The following ABCA12 variants were observed in gnomAD, a reference collection of about 807,000 sequenced individuals.
ABCA12 encodes glucosylceramide transporter ABCA12.
Under a neutral mutation model 293.5 loss-of-function variants are expected in ABCA12, and 156 were observed. The ratio of observed to expected loss-of-function variants is 0.53; its 90% CI spans 0.47 to 0.61. ABCA12 has a LOEUF of 0.61. Ranked by LOEUF, ABCA12 falls within the 20% of genes least tolerant of loss-of-function variation. The probability of loss-of-function intolerance (pLI) is 0.00; values close to 1 mark genes in which losing one functional copy is unlikely to be tolerated. For synonymous variants in ABCA12, 1,063 were observed against 1,108.0 expected, an observed-to-expected ratio of 0.96 and a Z score of 0.81; for missense variants, 2,797 against 3,090.2, an observed-to-expected ratio of 0.91 and a Z score of 2.25.
chr2:215,107,544 A>G (rs1702488693), intron 2 of ABCA12, among the ~76,000 whole-genome samples: 1 of 152,232 alleles, frequency 6.6e-6, no homozygotes, highest in African/African-American at 2.4e-5. Flanking sequence ...TTGTTGCAAC[A>G]CAAAAGGGAA....
In ABCA12 at chr2:215,049,612, A is replaced by G. The variant is rs372550650; in HGVS notation, c.693+14T>C. The G allele has an allele frequency of 4.2e-5, 68 of 1,610,706 alleles. No individual in the cohort carries two copies. In the African/African-American group the frequency reaches 8.2e-4, roughly 19 times the overall value. On this transcript the variant is annotated intron_variant, in intron 6 of 52. Transcript: ENST00000272895. ...CATGTTGAGTCACTTTGTGGATCAA[A>G]GATCTACACTCACCTGGGAGAACTG...
chr2:215,032,968 G>A (rs188646830), intron 8 of ABCA12, among the ~76,000 whole-genome samples: 110 of 152,300 alleles, frequency 7.2e-4, no homozygotes, highest in Admixed American at 5.2e-3. Flanking sequence ...TAGTATGTGT[G>A]TAAAAAGACT....
chr2:215,009,448 G>C (rs1330094702), intron 18 of ABCA12, among the ~76,000 whole-genome samples: 1 of 144,008 alleles, frequency 6.9e-6, no homozygotes, highest in African/African-American at 2.9e-5. Flanking sequence ...TTGTAACCCT[G>C]AACTTAAAAT....
At chr2:215,126,528 G>T (rs552423405) in intron 1 of ABCA12, among the ~76,000 whole-genome samples, 2 of 152,144 alleles carry the variant, frequency 1.3e-5, no homozygotes, top group East Asian at 3.9e-4. Flanking sequence ...TTTAAGCTAG[G>T]AGGGTTGTAT....
At position 215,064,053 on chromosome 2, in the gene ABCA12, G is replaced by A. The variant is rs371937073; in HGVS notation, c.317+13C>T. 6.8e-6 allele frequency: 11 copies of A among 1,612,282 alleles called. No homozygotes were observed. Among genetic ancestry groups the A allele is most frequent in the African/African-American group, 4.0e-5 (3 of 74,778 alleles). ...TCTCAGAACAATTGAACACACTTGA[G>A]AAGTGCCCCCACCTGTCTTTAAATA... On this transcript the variant is annotated intron_variant, in intron 3 of 52. Coordinates refer to ENST00000272895, the MANE Select transcript of ABCA12 (RefSeq NM_173076.3).
chr2:215,038,431 C>T (rs547657075), intron 7 of ABCA12, among the ~76,000 whole-genome samples: 1 of 152,278 alleles, frequency 6.6e-6, no homozygotes, highest in South Asian at 2.1e-4. Context: ...TTTGCTTCAA[C>T]ATGGTGGGGA....
At chr2:215,134,560 ATG>A (rs1157595331) in intron 1 of ABCA12, among the ~76,000 whole-genome samples, 6 of 138,994 alleles carry the variant, frequency 4.3e-5, no homozygotes, top group African/African-American at 1.1e-4. Context: ...ATATGTATAT[ATG>A]TGTGTATATA....
chr2:215,073,591 C>G (rs1406948660), intron 2 of ABCA12, among the ~76,000 whole-genome samples: 1 of 152,138 alleles, frequency 6.6e-6, no homozygotes, highest in East Asian at 1.9e-4. Context: ...GATATTCTCC[C>G]TTTCCACAGA....
At chr2:214,991,177 C>A in intron 23 of ABCA12, 146 bp from the exon 24 acceptor site, 1 of 745,362 alleles carries the variant, frequency 1.3e-6, no homozygotes, top group Non-Finnish European at 2.3e-6. Flanking sequence ...AAGAATTTAT[C>A]CATGCTTGCT....
At chr2:215,064,369 C>T (rs953409377) in intron 2 of ABCA12, 150 bp from the exon 3 acceptor site, 5 of 767,668 alleles carry the variant, frequency 6.5e-6, no homozygotes, top group Non-Finnish European at 8.9e-6. Context: ...CTAACACTCA[C>T]CACTGAGTAG....
chr2:215,019,920 A>C, intron 11 of ABCA12, 124 bp from the exon 12 acceptor site: 11 of 1,194,440 alleles, frequency 9.2e-6, no homozygotes, highest in South Asian at 5.2e-5. Flanking sequence ...GTATGTGGTT[A>C]GTTGGCATTT....
rs758974376 is a variant in ABCA12, at chr2:215,026,794, A to G, written c.1180+26T>C. ...AACAGAGGTAGAAACCATGAGCAGCATTTTGACTGTTAAGAACAGTATTAC... is the reference window on the plus strand; with the variant it reads ...AACAGAGGTAGAAACCATGAGCAGCGTTTTGACTGTTAAGAACAGTATTAC... On this transcript the variant is annotated intron_variant, in intron 10 of 52. Transcript: ENST00000272895. 7 of 1,536,640 alleles carry G rather than the reference A, an allele frequency of 4.6e-6. No homozygotes were observed. In the African/African-American group the frequency reaches 8.2e-5, roughly 18 times the overall value.
intron 48 of ABCA12, among the ~76,000 whole-genome samples, chr2:214,947,104 C>T (rs1291298489): frequency 6.6e-6 from 1 of 152,094 alleles, no homozygotes; most frequent in Non-Finnish European, 1.5e-5. Context: ...CAGATGCTAC[C>T]ATATTCCGTA....
intron 39 of ABCA12, among the ~76,000 whole-genome samples, chr2:214,966,308 T>C (rs1055164070): frequency 5.9e-5 from 9 of 152,132 alleles, no homozygotes; most frequent in African/African-American, 1.9e-4. Flanking sequence ...ACCTAGGTGA[T>C]GCGTTGATAT....
At chr2:215,010,563 C>T in intron 17 of ABCA12, 93 bp from the exon 18 acceptor site, 3 of 1,365,334 alleles carry the variant, frequency 2.2e-6, no homozygotes, top group Non-Finnish European at 3.1e-6. Flanking sequence ...TTATCACACC[C>T]AAAAATACAT....
intron 36 of ABCA12, among the ~76,000 whole-genome samples, chr2:214,971,997 C>T (rs1257954188): frequency 6.6e-6 from 1 of 152,070 alleles, no homozygotes; most frequent in Non-Finnish European, 1.5e-5. Context: ...TTGTATGTCC[C>T]TGATGACTAC....
intron 2 of ABCA12, among the ~76,000 whole-genome samples, chr2:215,071,966 T>A (rs1701746992): frequency 6.6e-6 from 1 of 152,206 alleles, no homozygotes; most frequent in Non-Finnish European, 1.5e-5. Context: ...GGTGCCATGA[T>A]ACATTCTCCC....
At chr2:215,072,834 C>T (rs937032418) in intron 2 of ABCA12, among the ~76,000 whole-genome samples, 2 of 152,218 alleles carry the variant, frequency 1.3e-5, no homozygotes, top group Admixed American at 6.5e-5. Flanking sequence ...CGGTGGCTCA[C>T]GCCTGTAATC....
intron 11 of ABCA12, chr2:215,023,069 C>G (rs1291690620): frequency 6.6e-6 from 1 of 152,164 alleles, no homozygotes; most frequent in Non-Finnish European, 1.5e-5. Context: ...CAGGGTTCAC[C>G]ACTATCTTAG....
Sources: allele counts gnomAD v4.1 joint callset (sites outside exome capture counted in the v4.1 genomes callset), GRCh38; gene constraint gnomAD v4.1.1; transcripts MANE v1.5; gene names NCBI Gene and HGNC (gene_info 2026-07-23, HGNC 2026-07-21).